Variants in WNT3 observed in about 807,000 individuals in gnomAD.
The protein encoded by WNT3 is Wnt family member 3.
WNT3 carries 7 observed loss-of-function variants against 34.2 expected under a neutral mutation model. The observed-to-expected ratio is 0.20, with a 90% CI of 0.12 to 0.38. WNT3 has a LOEUF of 0.38. Among genes scored for constraint, WNT3 ranks in the 10% least tolerant of loss-of-function variants. The probability of loss-of-function intolerance (pLI) is 1.00; values close to 1 mark genes in which losing one functional copy is unlikely to be tolerated. For missense variants in WNT3, 267 were observed against 499.8 expected (o/e 0.53, Z 4.44); for synonymous variants, 212 against 211.5 (o/e 1.00, Z -0.02).
chr17:46,780,425 A>C (rs1053798866), intron 1 of WNT3, among the ~76,000 whole-genome samples: 4 of 152,238 alleles, frequency 2.6e-5, no homozygotes, highest in African/African-American at 9.6e-5. Flanking sequence ...CCTGTCCCTC[A>C]AAAAGTTAAA....
Position 46,818,379 on chromosome 17 carries a change from G to C in WNT3, c.80+139C>G. On this transcript the variant is annotated intron_variant, in intron 1 of 4. Coordinates refer to ENST00000225512, the MANE Select transcript of WNT3 (RefSeq NM_030753.5). ...GGCGACACCAGCAGAAAATCCAGGAGGGGTGGGCGGGTGGGGGGCTGGAGG... is the reference window on the plus strand; with the variant it reads ...GGCGACACCAGCAGAAAATCCAGGACGGGTGGGCGGGTGGGGGGCTGGAGG... 4 of 791,276 alleles carry C rather than the reference G, an allele frequency of 5.1e-6. No individual in the cohort carries two copies. In the Admixed American group the frequency reaches 9.2e-5, roughly 18 times the overall value. The allele number at this position is 791,276 out of a possible 1,614,324, so 49.0% of individuals were successfully genotyped here.
chr17:46,789,437 G>A (rs1041974249), intron 1 of WNT3, among the ~76,000 whole-genome samples: 2 of 152,308 alleles, frequency 1.3e-5, no homozygotes, highest in Non-Finnish European at 1.5e-5. Flanking sequence ...CAGAGCCTCT[G>A]GGGAGGAGTC....
intron 1 of WNT3, among the ~76,000 whole-genome samples, chr17:46,810,274 C>G (rs1400005515): frequency 6.6e-6 from 1 of 152,138 alleles, no homozygotes; most frequent in Admixed American, 6.5e-5. Context: ...TCCCAAAGTG[C>G]TGGGATTACA....
At chr17:46,773,156 C>G (rs1446504992) in intron 2 of WNT3, among the ~76,000 whole-genome samples, 1 of 152,150 alleles carries the variant, frequency 6.6e-6, no homozygotes, top group Non-Finnish European at 1.5e-5. Context: ...CCAGTGCACC[C>G]TCTAGCCCCA....
intron 1 of WNT3, among the ~76,000 whole-genome samples, chr17:46,803,808 G>A (rs1169278465): frequency 6.6e-6 from 1 of 152,206 alleles, no homozygotes; most frequent in Non-Finnish European, 1.5e-5. Flanking sequence ...ATGGGCCCCA[G>A]GCAGAGGCCT....
rs1451966824 is a variant in WNT3 at position 46,763,764 on chromosome 17, T to G, written c.*866A>C. The G allele has an allele frequency of 6.8e-6, 1 of 146,882 alleles. No individual in the cohort carries two copies. Among genetic ancestry groups the G allele is most frequent in the African/African-American group, 2.5e-5 (1 of 39,436 alleles). The allele number at this position is 146,882 out of a possible 1,614,324, so 9.1% of individuals were successfully genotyped here. A position where few individuals can be genotyped will look rare whatever the true frequency, so the allele number is the denominator to read the frequency against. The stretch of plus-strand genomic sequence containing the variant: ...CTTCTGAAGATACCGCTTATTTATT[T>G]AGGAAGCCATTTGAGCTAGAGAAGA... On this transcript the variant is annotated 3_prime_UTR_variant, in exon 5 of 5. Coordinates refer to ENST00000225512, the MANE Select transcript of WNT3 (RefSeq NM_030753.5).
intron 1 of WNT3, among the ~76,000 whole-genome samples, chr17:46,786,955 T>G (rs918513753): frequency 2.0e-5 from 3 of 151,494 alleles, no homozygotes; most frequent in Admixed American, 1.3e-4. Flanking sequence ...TTTTTTTTTT[T>G]GAGACAGGGT....
chr17:46,792,537 CGT>C (rs1194028263), intron 1 of WNT3, among the ~76,000 whole-genome samples: 5 of 152,024 alleles, frequency 3.3e-5, no homozygotes, highest in African/African-American at 1.2e-4. Flanking sequence ...GCAATGGTGC[CGT>C]GTTGGTTTAC....
chr17:46,769,744 C>T (rs1485103264), intron 3 of WNT3, 39 bp downstream of exon 3: 4 of 1,603,132 alleles, frequency 2.5e-6, no homozygotes, highest in Non-Finnish European at 1.7e-6. Context: ...AAGCGGGGGG[C>T]TGCTCCCTGA....
chr17:46,808,951 C>T (rs1385344299), intron 1 of WNT3, among the ~76,000 whole-genome samples: 2 of 152,188 alleles, frequency 1.3e-5, no homozygotes, highest in Non-Finnish European at 2.9e-5. Flanking sequence ...CTGTTAGCTA[C>T]ATGACCTGAG....
intron 1 of WNT3, among the ~76,000 whole-genome samples, chr17:46,801,731 A>T (rs2084127995): frequency 1.3e-5 from 2 of 152,224 alleles, no homozygotes; most frequent in South Asian, 4.1e-4. Flanking sequence ...AACATGGTCC[A>T]AGTTTAACAA....
intron 1 of WNT3, among the ~76,000 whole-genome samples, chr17:46,814,202 T>C (rs1343884938): frequency 6.6e-6 from 1 of 152,232 alleles, no homozygotes; most frequent in Non-Finnish European, 1.5e-5. Context: ...CCCGGAGCTG[T>C]TGACAAAATG....
intron 1 of WNT3, among the ~76,000 whole-genome samples, chr17:46,800,512 G>C (rs575075101): frequency 8.6e-6 from 1 of 116,678 alleles, no homozygotes; most frequent in Admixed American, 8.3e-5. Context: ...GCCCTCAGGG[G>C]CTGACTCTTA....
chr17:46,767,633 C>A (rs1438580717), intron 4 of WNT3, among the ~76,000 whole-genome samples: 1 of 152,200 alleles, frequency 6.6e-6, no homozygotes, highest in Non-Finnish European at 1.5e-5. Context: ...CGTCAGGTCT[C>A]CCAGCTTCCA....
intron 1 of WNT3, among the ~76,000 whole-genome samples, chr17:46,787,621 C>G (rs2059519954): frequency 6.6e-6 from 1 of 152,162 alleles, no homozygotes; most frequent in African/African-American, 2.4e-5. Flanking sequence ...AAGGCTGGGC[C>G]TCATTCAGTA....
chr17:46,801,641 T>G (rs144580810), intron 1 of WNT3, among the ~76,000 whole-genome samples: 1 of 147,524 alleles, frequency 6.8e-6, no homozygotes, highest in Admixed American at 6.8e-5. Flanking sequence ...TGAATTGAAT[T>G]GAATTAAATT....
At chr17:46,792,221 A>C (rs1291381431) in intron 1 of WNT3, among the ~76,000 whole-genome samples, 1 of 152,234 alleles carries the variant, frequency 6.6e-6, no homozygotes, top group Non-Finnish European at 1.5e-5. Flanking sequence ...GAGAAGGCTC[A>C]AATCACCATG....
chr17:46,768,183 G>T lies in WNT3; in HGVS notation c.*8+129C>A. 2 of 1,332,254 alleles carry T rather than the reference G, an allele frequency of 1.5e-6. No individual in the cohort carries two copies. Among genetic ancestry groups the T allele is most frequent in the Non-Finnish European group, 2.1e-6 (2 of 966,644 alleles). 82.5% of individuals were successfully genotyped at this position (1,332,254 alleles called of 1,614,324 possible). A position where few individuals can be genotyped will look rare whatever the true frequency, so the allele number is the denominator to read the frequency against. On this transcript the variant is annotated intron_variant, in intron 4 of 4. Transcript: ENST00000225512. This position sits in a 1 kb window ranked among gnomAD's most constrained non-coding sequence, Gnocchi z 5.0. Reference sequence around the variant, plus strand: ...TTGAAAAATCCTAGCTTCCTATTTTGGCTGTGGGAACTTGTGTGTCTTGGA... The same window carrying T: ...TTGAAAAATCCTAGCTTCCTATTTTTGCTGTGGGAACTTGTGTGTCTTGGA...
intron 1 of WNT3, among the ~76,000 whole-genome samples, chr17:46,781,731 A>T (rs952039065): frequency 3.5e-4 from 54 of 152,176 alleles, no homozygotes; most frequent in South Asian, 1.5e-3. Flanking sequence ...TAGCAAAATT[A>T]AAAAAATCAA....
Sources: allele counts gnomAD v4.1 joint callset (sites outside exome capture counted in the v4.1 genomes callset), GRCh38; gene constraint gnomAD v4.1.1; non-coding constraint Gnocchi (gnomAD v3.1); transcripts MANE v1.5; gene names NCBI Gene and HGNC (gene_info 2026-07-23, HGNC 2026-07-21).